Variants in CNTN3 observed in about 807,000 individuals in gnomAD.
CNTN3 encodes the protein contactin-3.
In CNTN3, 60 loss-of-function variants were observed where a neutral mutation model predicts 119.1. The ratio of observed to expected loss-of-function variants is 0.50; its 90% CI spans 0.41 to 0.62. The LOEUF (loss-of-function observed/expected upper bound fraction) is 0.62, where lower values mean the gene tolerates loss of function less well. Among genes scored for constraint, CNTN3 ranks in the 20% least tolerant of loss-of-function variants. CNTN3 has a pLI of 0.00. For synonymous variants in CNTN3, 450 were observed against 438.7 expected, an observed-to-expected ratio of 1.03 and a Z score of -0.32; for missense variants, 1,101 against 1,242.4, an observed-to-expected ratio of 0.89 and a Z score of 1.71.
chr3:74,377,640 G>A (rs570516805), intron 5 of CNTN3, among the ~76,000 whole-genome samples: 1 of 152,256 alleles, frequency 6.6e-6, no homozygotes, highest in Non-Finnish European at 1.5e-5. Flanking sequence ...TGGCCAGTGG[G>A]CTTTCTATTA....
chr3:74,584,363 G>A (rs1345806253), intron 1 of CNTN3, among the ~76,000 whole-genome samples: 1 of 152,108 alleles, frequency 6.6e-6, no homozygotes. Flanking sequence ...CTCATATTAA[G>A]ATTTTATCCC....
chr3:74,375,641 G>C (rs1704459640), intron 5 of CNTN3, among the ~76,000 whole-genome samples: 1 of 152,136 alleles, frequency 6.6e-6, no homozygotes, highest in East Asian at 1.9e-4. Context: ...ATGGTAGTCA[G>C]AGAATGACAT....
At chr3:74,355,374 C>T (rs1260463568) in intron 11 of CNTN3, among the ~76,000 whole-genome samples, 1 of 152,100 alleles carries the variant, frequency 6.6e-6, no homozygotes, top group Non-Finnish European at 1.5e-5. Flanking sequence ...TTTGCTCAGA[C>T]AGGTGGATTG....
intron 2 of CNTN3, among the ~76,000 whole-genome samples, chr3:74,515,788 T>C (rs1026921114): frequency 6.6e-6 from 1 of 152,042 alleles, no homozygotes; most frequent in Non-Finnish European, 1.5e-5. Context: ...AAAGAAATCA[T>C]TTTCCTTTCA....
intron 20 of CNTN3, among the ~76,000 whole-genome samples, chr3:74,268,382 C>T (rs940324714): frequency 6.6e-6 from 1 of 152,120 alleles, no homozygotes; most frequent in African/African-American, 2.4e-5. Context: ...TGTGATTTGG[C>T]TAACTGAATT....
intron 1 of CNTN3, among the ~76,000 whole-genome samples, chr3:74,529,512 A>C (rs1287830654): frequency 6.6e-6 from 1 of 151,932 alleles, no homozygotes; most frequent in Admixed American, 6.6e-5. Context: ...TAATTTACTT[A>C]TTATTTGAGT....
chr3:74,318,521 G>C (rs1383719609), intron 13 of CNTN3, among the ~76,000 whole-genome samples: 1 of 152,110 alleles, frequency 6.6e-6, no homozygotes, highest in African/African-American at 2.4e-5. Flanking sequence ...TTTTGGTGTG[G>C]ATGTCCTTTC....
chr3:74,470,453 G>A (rs1702539188), intron 4 of CNTN3, among the ~76,000 whole-genome samples: 1 of 152,104 alleles, frequency 6.6e-6, no homozygotes, highest in African/African-American at 2.4e-5. Context: ...CAGTGCCTGT[G>A]TAGGAATTAT....
At chr3:74,430,430 T>A (rs972994045) in intron 4 of CNTN3, among the ~76,000 whole-genome samples, 2 of 152,142 alleles carry the variant, frequency 1.3e-5, no homozygotes, top group Non-Finnish European at 1.5e-5. Context: ...TGTAAAACTT[T>A]AAAAAATTCA....
chr3:74,275,288 AC>A (rs1235217761), intron 20 of CNTN3, among the ~76,000 whole-genome samples: 1 of 152,196 alleles, frequency 6.6e-6, no homozygotes, highest in Non-Finnish European at 1.5e-5. Flanking sequence ...AAATACAAGA[AC>A]CAGAAACAAC....
In CNTN3 at chr3:74,460,181, T is replaced by C. The variant is rs149576759; in HGVS notation, c.358+26275A>G. The stretch of plus-strand genomic sequence containing the variant: ...TGTAGCTAAATAGTAATCCTTAATA[T>C]CTGCTCAAGTGATTCTTCACATTTT... On this transcript the variant is annotated intron_variant, in intron 4 of 22. Coordinates refer to ENST00000263665, the MANE Select transcript of CNTN3 (RefSeq NM_020872.3). Among the ~76,000 whole-genome samples, 1,032 of 152,164 alleles carry C rather than the reference T, an allele frequency of 6.8e-3. 16 individuals carry two copies. The highest frequency in any genetic ancestry group is 0.024 in the African/African-American group (984 of 41,564).
At chr3:74,525,848 A>G (rs1703611791) in intron 1 of CNTN3, among the ~76,000 whole-genome samples, 1 of 151,910 alleles carries the variant, frequency 6.6e-6, no homozygotes, top group South Asian at 2.1e-4. Flanking sequence ...AAAAGAAGGA[A>G]GAAACCATTT....
chr3:74,369,443 T>A, intron 7 of CNTN3, 70 bp from the exon 8 acceptor site: 2 of 1,265,688 alleles, frequency 1.6e-6, no homozygotes, highest in Non-Finnish European at 1.1e-6. Flanking sequence ...ATAAAGCTTT[T>A]AAGATTGAAC....
chr3:74,311,337 C>A (rs1702680489), intron 13 of CNTN3, among the ~76,000 whole-genome samples: 2 of 152,030 alleles, frequency 1.3e-5, no homozygotes, highest in Non-Finnish European at 2.9e-5. Context: ...GGTTTGATAT[C>A]AGCTGTAACT....
At chr3:74,299,167 C>T (rs950267237) in intron 17 of CNTN3, among the ~76,000 whole-genome samples, 1 of 151,922 alleles carries the variant, frequency 6.6e-6, no homozygotes, top group African/African-American at 2.4e-5. Flanking sequence ...AAGATTGCAC[C>T]ACTGCACTCC....
chr3:74,607,004 C>T (rs1705003976), intron 1 of CNTN3, among the ~76,000 whole-genome samples: 1 of 152,050 alleles, frequency 6.6e-6, no homozygotes, highest in African/African-American at 2.4e-5. Context: ...GAAACTTGGG[C>T]CTGCATGGCT....
At chr3:74,310,707 C>T (rs72892537) in intron 13 of CNTN3, among the ~76,000 whole-genome samples, 8,951 of 152,216 alleles carry the variant, frequency 0.059, 816 homozygotes, top group African/African-American at 0.19. Context: ...TTGGTCAAGA[C>T]ATTCACAAAA....
At chr3:74,332,403 T>C (rs1248209151) in intron 13 of CNTN3, among the ~76,000 whole-genome samples, 1 of 152,204 alleles carries the variant, frequency 6.6e-6, no homozygotes. Context: ...ACTAGCATGG[T>C]AGAGAAAGAA....
rs536518952 is a variant in CNTN3 at position 74,490,690 on chromosome 3, G to A, written c.183-4059C>T. Reference sequence around the variant, plus strand: ...AAGATTTGTTCCATTACACACAAACGCTTCTCACTTCCTTTAGTTCGGTCT... The same window carrying A: ...AAGATTTGTTCCATTACACACAAACACTTCTCACTTCCTTTAGTTCGGTCT... On this transcript the variant is annotated intron_variant, in intron 3 of 22. Coordinates refer to ENST00000263665, the MANE Select transcript of CNTN3 (RefSeq NM_020872.3). Among the ~76,000 whole-genome samples the A allele has an allele frequency of 1.5e-4, 23 of 152,206 alleles. No individual in the cohort carries two copies. In the South Asian group the frequency reaches 2.9e-3, roughly 19 times the overall value.
Sources: allele counts gnomAD v4.1 joint callset (sites outside exome capture counted in the v4.1 genomes callset), GRCh38; gene constraint gnomAD v4.1.1; transcripts MANE v1.5; gene names NCBI Gene and HGNC (gene_info 2026-07-23, HGNC 2026-07-21).